LARGE1: variants seen among roughly 807,000 people sequenced by gnomAD.
LARGE1 encodes the protein LARGE xylosyl- and glucuronyltransferase 1, also known as xylosyl- and glucuronyltransferase LARGE1.
In LARGE1, 43 loss-of-function variants were observed where a neutral mutation model predicts 87.6. The observed-to-expected ratio is 0.49, with a 90% CI of 0.38 to 0.63. The LOEUF is 0.63. Among genes scored for constraint, LARGE1 ranks in the 30% least tolerant of loss-of-function variants. The pLI, the probability that LARGE1 is intolerant of heterozygous loss-of-function variation, is 0.00. For synonymous variants in LARGE1, 434 were observed against 394.6 expected (o/e 1.10, Z -1.18); for missense variants, 802 against 1,000.2 (o/e 0.80, Z 2.67).
At chr22:33,210,789 G>C (rs1161527739) in intron 11 of LARGE1, among the ~76,000 whole-genome samples, 2 of 152,194 alleles carry the variant, frequency 1.3e-5, no homozygotes, top group African/African-American at 2.4e-5. Flanking sequence ...GCTCTCCCCT[G>C]TTCCCAGGCT....
chr22:33,215,763 C>G, intron 11 of LARGE1, among the ~76,000 whole-genome samples: 1 of 152,122 alleles, frequency 6.6e-6, no homozygotes, highest in East Asian at 1.9e-4. Context: ...TTGAGACCAG[C>G]TGGCCAACAT....
At chr22:33,816,417 G>A (rs1395062283) in intron 1 of LARGE1, among the ~76,000 whole-genome samples, 2 of 152,148 alleles carry the variant, frequency 1.3e-5, no homozygotes, top group African/African-American at 4.8e-5. Flanking sequence ...TCTGCTTTCT[G>A]TTCACAGATG....
chr22:33,358,155 G>C (rs1346631641), intron 9 of LARGE1, among the ~76,000 whole-genome samples: 1 of 152,166 alleles, frequency 6.6e-6, no homozygotes, highest in Non-Finnish European at 1.5e-5. Context: ...TCACAGCAGT[G>C]CACAAAGAGA....
chr22:33,545,622 A>C (rs1394421752), intron 6 of LARGE1, among the ~76,000 whole-genome samples: 1 of 152,138 alleles, frequency 6.6e-6, no homozygotes, highest in African/African-American at 2.4e-5. Context: ...TATTTTTTGC[A>C]GATATGGGGT....
chr22:33,498,852 G>T (rs2070287744), intron 6 of LARGE1, among the ~76,000 whole-genome samples: 1 of 152,008 alleles, frequency 6.6e-6, no homozygotes, highest in Non-Finnish European at 1.5e-5. Context: ...GGGACCTGTA[G>T]TCCCAGCTAC....
chr22:33,589,744 A>G (rs1057453318), intron 5 of LARGE1, among the ~76,000 whole-genome samples: 1 of 152,226 alleles, frequency 6.6e-6, no homozygotes, highest in Non-Finnish European at 1.5e-5. Context: ...GCCACATTCC[A>G]TAAACTTTAC....
chr22:33,886,459 C>T (rs531212624), intron 1 of LARGE1, among the ~76,000 whole-genome samples: 1 of 152,124 alleles, frequency 6.6e-6, no homozygotes, highest in African/African-American at 2.4e-5. Flanking sequence ...AGGTGAATCA[C>T]TTAAGCCAGG....
At chr22:33,678,311 C>T (rs2081642051) in intron 2 of LARGE1, among the ~76,000 whole-genome samples, 1 of 152,140 alleles carries the variant, frequency 6.6e-6, no homozygotes, top group African/African-American at 2.4e-5. Flanking sequence ...AGGAACAATA[C>T]CTCGAGCTGG....
intron 1 of LARGE1, among the ~76,000 whole-genome samples, chr22:33,896,498 G>A (rs995472856): frequency 2.6e-5 from 4 of 152,216 alleles, no homozygotes; most frequent in African/African-American, 9.6e-5. Context: ...AGGCCAAAGT[G>A]TACCGTGTAC....
At chr22:33,476,586 T>C (rs5998958) in intron 6 of LARGE1, among the ~76,000 whole-genome samples, 5,242 of 152,288 alleles carry the variant, frequency 0.034, 253 homozygotes, top group African/African-American at 0.11. Context: ...TCCTTAACCT[T>C]GGCAAAATAA....
chr22:33,774,504 G>A (rs1400527155), intron 1 of LARGE1, among the ~76,000 whole-genome samples: 5 of 151,898 alleles, frequency 3.3e-5, no homozygotes, highest in South Asian at 2.1e-4. Context: ...TTACAGGCAC[G>A]TGCCACCACA....
intron 9 of LARGE1, among the ~76,000 whole-genome samples, chr22:33,361,820 CTA>C (rs1168210206): frequency 6.9e-6 from 1 of 145,960 alleles, no homozygotes; most frequent in Admixed American, 6.9e-5. Flanking sequence ...CTAGCAGACT[CTA>C]TTGGAATTTT....
At chr22:33,342,979 A>C (rs1052091742) in intron 9 of LARGE1, among the ~76,000 whole-genome samples, 11 of 152,216 alleles carry the variant, frequency 7.2e-5, no homozygotes, top group African/African-American at 2.7e-4. Flanking sequence ...GATCTAAATA[A>C]ATAATATTTA....
intron 2 of LARGE1, among the ~76,000 whole-genome samples, chr22:33,697,249 T>C (rs1185430822): frequency 6.6e-6 from 1 of 152,170 alleles, no homozygotes; most frequent in East Asian, 1.9e-4. Context: ...AGTATGGTTC[T>C]CGTCCTGCTT....
downstream of LARGE1, among the ~76,000 whole-genome samples, chr22:33,158,661 A>G (rs1921936447): frequency 6.6e-6 from 1 of 152,308 alleles, no homozygotes; most frequent in African/African-American, 2.4e-5. Context: ...CTGTTAACTG[A>G]TAAAGAATTG....
At chr22:33,200,382 G>A (rs915832250) in intron 11 of LARGE1, among the ~76,000 whole-genome samples, 3 of 152,152 alleles carry the variant, frequency 2.0e-5, no homozygotes, top group South Asian at 2.1e-4. Context: ...ACCCTCGTAC[G>A]TCGCTGGTGG....
At chr22:33,561,093 C>T (rs2077844333) in intron 6 of LARGE1, among the ~76,000 whole-genome samples, 1 of 152,186 alleles carries the variant, frequency 6.6e-6, no homozygotes, top group Non-Finnish European at 1.5e-5. Context: ...GGATTACAGG[C>T]GTGAGCCATC....
intron 6 of LARGE1, among the ~76,000 whole-genome samples, chr22:33,509,589 T>C (rs778035897): frequency 6.6e-6 from 1 of 152,094 alleles, no homozygotes; most frequent in Non-Finnish European, 1.5e-5. Flanking sequence ...TAGCCCAGAC[T>C]ACAGGTGCAT....
chr22:33,540,979 A>T (rs59666206), intron 6 of LARGE1, among the ~76,000 whole-genome samples: 11,595 of 146,008 alleles, frequency 0.079, 541 homozygotes, highest in African/African-American at 0.098. Context: ...ATTAAAAAAA[A>T]ATATAAAAAT....
Sources: gnomAD v4.1 joint callset for allele counts (sites outside exome capture counted in the v4.1 genomes callset) on GRCh38, gnomAD v4.1.1 for gene constraint, MANE v1.5 for transcripts, NCBI Gene and HGNC (gene_info 2026-07-23, HGNC 2026-07-21) for gene names.